AKAP6: variants seen among roughly 807,000 people sequenced by gnomAD.
AKAP6 encodes A-kinase anchoring protein 6.
Under a neutral mutation model 188.5 loss-of-function variants are expected in AKAP6, and 58 were observed. That is an observed-to-expected ratio of 0.31 (90% CI 0.25 to 0.38). AKAP6 has a LOEUF of 0.38. AKAP6 is among the 10% of genes least tolerant of loss of function. AKAP6 has a pLI of 1.00. For synonymous variants in AKAP6, 989 were observed against 998.6 expected, an observed-to-expected ratio of 0.99 and a Z score of 0.18; for missense variants, 2,710 against 2,740.0, an observed-to-expected ratio of 0.99 and a Z score of 0.24.
At chr14:32,826,098 C>T (rs2034666446) in intron 13 of AKAP6, among the ~76,000 whole-genome samples, 2 of 150,964 alleles carry the variant, frequency 1.3e-5, no homozygotes, top group Admixed American at 1.3e-4. Flanking sequence ...ATTTTTTTTT[C>T]CTGCAACACC....
At position 32,533,998 on chromosome 14, in the gene AKAP6, A is replaced by G. The variant is rs1423287824; in HGVS notation, c.325-1556A>G. Among the ~76,000 whole-genome samples, 3 of 152,194 alleles carry G rather than the reference A, an allele frequency of 2.0e-5. No homozygotes were observed. In the East Asian group the frequency reaches 5.8e-4, roughly 29 times the overall value. On this transcript the variant is annotated intron_variant, in intron 2 of 13. Coordinates refer to ENST00000280979, the MANE Select transcript of AKAP6 (RefSeq NM_004274.5). ...TCACCAGTTTGCACCACTGTCACCA[A>G]TTAGTTCTTGGGTTTCAAGAACTAA...
chr14:32,769,939 A>G (rs983695122), intron 11 of AKAP6, among the ~76,000 whole-genome samples: 2 of 152,210 alleles, frequency 1.3e-5, no homozygotes, highest in Non-Finnish European at 2.9e-5. Flanking sequence ...GTTTGCATAT[A>G]TGCACATATT....
chr14:32,352,290 A>G (rs1289460519), intron 1 of AKAP6, among the ~76,000 whole-genome samples: 1 of 151,130 alleles, frequency 6.6e-6, no homozygotes, highest in Non-Finnish European at 1.5e-5. Flanking sequence ...TTTAATTGAT[A>G]CAATAATTAT....
chr14:32,660,465 G>A (rs545586287), intron 7 of AKAP6, among the ~76,000 whole-genome samples: 1 of 152,200 alleles, frequency 6.6e-6, no homozygotes, highest in South Asian at 2.1e-4. Flanking sequence ...CACTCAAAAA[G>A]CCTGGAAAGA....
chr14:32,358,003 G>A (rs1406921487), intron 1 of AKAP6, among the ~76,000 whole-genome samples: 1 of 152,186 alleles, frequency 6.6e-6, no homozygotes, highest in African/African-American at 2.4e-5. Flanking sequence ...TTTACTGAGA[G>A]GAAGAAGAAG....
chr14:32,609,390 C>T (rs1044699357), intron 7 of AKAP6, among the ~76,000 whole-genome samples: 17 of 152,172 alleles, frequency 1.1e-4, no homozygotes, highest in African/African-American at 3.9e-4. Flanking sequence ...ACTCAGAGAA[C>T]ATTCCCAGTC....
chr14:32,349,450 G>A (rs187747544), intron 1 of AKAP6, among the ~76,000 whole-genome samples: 55 of 152,304 alleles, frequency 3.6e-4, no homozygotes, highest in South Asian at 6.2e-4. Context: ...GATGGAGAGC[G>A]TCTATTTCTT....
chr14:32,669,503 C>T (rs1193413202), intron 7 of AKAP6, among the ~76,000 whole-genome samples: 4 of 152,004 alleles, frequency 2.6e-5, no homozygotes, highest in Admixed American at 2.6e-4. Flanking sequence ...ACAACAAAAG[C>T]AAAAACACAC....
In AKAP6 at chr14:32,540,535, G is replaced by C. The variant is rs538699039; in HGVS notation, c.577-4695G>C. Among the ~76,000 whole-genome samples the C allele has an allele frequency of 1.5e-3, 223 of 152,092 alleles. 1 individual carries two copies. The highest frequency in any genetic ancestry group is 2.3e-3 in the Non-Finnish European group (155 of 68,008). On this transcript the variant is annotated intron_variant, in intron 3 of 13. Coordinates refer to ENST00000280979, the MANE Select transcript of AKAP6 (RefSeq NM_004274.5). The stretch of plus-strand genomic sequence containing the variant: ...ATGTTAAATGGAGGTATATTTAAGT[G>C]GAGTGGGTACATGGCTAGGCGGCTC...
chr14:32,539,334 A>G (rs543648013), intron 3 of AKAP6, among the ~76,000 whole-genome samples: 1 of 152,226 alleles, frequency 6.6e-6, no homozygotes, highest in Admixed American at 6.6e-5. Context: ...CTGCGTGGGG[A>G]TGCATTGGTC....
intron 2 of AKAP6, among the ~76,000 whole-genome samples, chr14:32,475,084 A>T (rs919891381): frequency 7.9e-5 from 12 of 151,894 alleles, no homozygotes; most frequent in African/African-American, 2.7e-4. Flanking sequence ...TCAGTGTAGT[A>T]CTCGTCTATA....
intron 1 of AKAP6, among the ~76,000 whole-genome samples, chr14:32,407,368 T>C (rs1889330165): frequency 6.6e-6 from 1 of 152,216 alleles, no homozygotes; most frequent in African/African-American, 2.4e-5. Context: ...CCCACTGTTC[T>C]CAGGCCTGGG....
In AKAP6 at chr14:32,681,934, C is replaced by T. The variant is rs146186080; in HGVS notation, c.2879+3475C>T. On this transcript the variant is annotated intron_variant, in intron 8 of 13. Transcript: ENST00000280979. ...TTTAAAGTACCTTCTATATGTCAGG[C>T]TCTATGAAGTGCAGAGATTAAAATG... 6.1e-4 allele frequency among the ~76,000 whole-genome samples: 93 copies of T among 152,260 alleles called. 1 individual carries two copies. In the South Asian group the frequency reaches 0.011, roughly 18 times the overall value.
intron 11 of AKAP6, among the ~76,000 whole-genome samples, chr14:32,769,849 T>C (rs2032843351): frequency 6.6e-6 from 1 of 152,202 alleles, no homozygotes; most frequent in Non-Finnish European, 1.5e-5. Flanking sequence ...TATTATAAGC[T>C]TATTTATATC....
intron 4 of AKAP6, among the ~76,000 whole-genome samples, chr14:32,570,447 G>A (rs1355355213): frequency 6.6e-6 from 1 of 151,772 alleles, no homozygotes; most frequent in African/African-American, 2.4e-5. Context: ...TGGCCCGTGT[G>A]GGGACTTTTA....
chr14:32,797,425 T>C (rs1473181190), intron 12 of AKAP6, among the ~76,000 whole-genome samples: 2 of 152,180 alleles, frequency 1.3e-5, no homozygotes, highest in Non-Finnish European at 2.9e-5. Flanking sequence ...TGGAATACTA[T>C]GCAGCCATAA....
chr14:32,500,674 T>C (rs1880566970), intron 2 of AKAP6, among the ~76,000 whole-genome samples: 1 of 152,152 alleles, frequency 6.6e-6, no homozygotes, highest in Non-Finnish European at 1.5e-5. Flanking sequence ...TAGTCTTAAT[T>C]ACCATATATG....
intron 1 of AKAP6, among the ~76,000 whole-genome samples, chr14:32,337,789 A>G (rs1335689658): frequency 6.7e-6 from 1 of 149,002 alleles, no homozygotes; most frequent in Non-Finnish European, 1.5e-5. Flanking sequence ...ATTTTTAAAC[A>G]TTTGAATTTT....
At chr14:32,777,062 A>T (rs2033089641) in intron 12 of AKAP6, among the ~76,000 whole-genome samples, 1 of 152,164 alleles carries the variant, frequency 6.6e-6, no homozygotes, top group Non-Finnish European at 1.5e-5. Flanking sequence ...ATCATTCACA[A>T]GGCATGTGAT....
Sources: allele counts gnomAD v4.1 joint callset (sites outside exome capture counted in the v4.1 genomes callset), GRCh38; gene constraint gnomAD v4.1.1; transcripts MANE v1.5; gene names NCBI Gene and HGNC (gene_info 2026-07-23, HGNC 2026-07-21).